The following C2CD2 variants were observed in gnomAD, a reference collection of about 807,000 sequenced individuals.
C2CD2 encodes the protein C2 calcium dependent domain containing 2.
Under a neutral mutation model 74.3 loss-of-function variants are expected in C2CD2, and 43 were observed. The ratio of observed to expected loss-of-function variants is 0.58; its 90% CI spans 0.45 to 0.75. C2CD2 has a LOEUF of 0.75. C2CD2 is among the 30% of genes least tolerant of loss of function. The pLI is 0.00. For missense variants in C2CD2, 801 were observed against 916.3 expected (o/e 0.87, Z 1.63); for synonymous variants, 422 against 390.7 (o/e 1.08, Z -0.94).
intron 13 of C2CD2, among the ~76,000 whole-genome samples, chr21:41,893,863 C>T (rs117525336): frequency 0.046 from 6,964 of 151,964 alleles, 176 homozygotes; most frequent in South Asian, 0.11. Context: ...CACCATGCCT[C>T]GATAATTTTG....
chr21:41,913,756 C>T (rs1244945864), intron 6 of C2CD2, among the ~76,000 whole-genome samples: 3 of 152,152 alleles, frequency 2.0e-5, no homozygotes, highest in East Asian at 3.9e-4. Flanking sequence ...AAAATGGAGT[C>T]GCGCTGTAAA....
chr21:41,917,078 C>T (rs970612461), intron 5 of C2CD2, among the ~76,000 whole-genome samples: 1 of 152,214 alleles, frequency 6.6e-6, no homozygotes, highest in Admixed American at 6.5e-5. Context: ...CAGACATCCA[C>T]ACCCCTCCTG....
chr21:41,939,276 T>C lies in C2CD2; in HGVS notation c.378+2871A>G, dbSNP rs1276322957. Among the ~76,000 whole-genome samples, 1 of 152,208 alleles carries C rather than the reference T, an allele frequency of 6.6e-6. No homozygotes were observed. Among genetic ancestry groups the C allele is most frequent in the African/African-American group, 2.4e-5 (1 of 41,456 alleles). ...ATTGTATTTATTAAAAGGATTACAA[T>C]TGAATTACCTACCGTGTAAGGCCAC... On this transcript the variant is annotated intron_variant, in intron 2 of 13. Transcript: ENST00000380486. The surrounding 1 kb of genome is among the most constrained non-coding windows in gnomAD (Gnocchi z 5.5).
At chr21:41,952,614 G>T (rs752277387) in intron 1 of C2CD2, among the ~76,000 whole-genome samples, 1 of 152,348 alleles carries the variant, frequency 6.6e-6, no homozygotes, top group South Asian at 2.1e-4. Context: ...ATAAGTCAAC[G>T]AGTAATCAGC....
At chr21:41,916,355 T>A (rs1050437913) in intron 5 of C2CD2, among the ~76,000 whole-genome samples, 1 of 152,024 alleles carries the variant, frequency 6.6e-6, no homozygotes, top group Non-Finnish European at 1.5e-5. Context: ...CAGATTTTCC[T>A]CCCTCTCGTG....
chr21:41,906,566 C>T (rs1788354), intron 10 of C2CD2, among the ~76,000 whole-genome samples: 31,547 of 152,006 alleles, frequency 0.21, 5,681 homozygotes, highest in African/African-American at 0.49. Context: ...GGTTTCACCA[C>T]GTTGGTCAGG....
intron 1 of C2CD2, among the ~76,000 whole-genome samples, chr21:41,948,454 C>G (rs991836681): frequency 6.6e-6 from 1 of 152,072 alleles, no homozygotes; most frequent in Admixed American, 6.5e-5. Flanking sequence ...GAGCTGAGAC[C>G]CAAAAGATTT....
At chr21:41,948,379 C>CG (rs896114842) in intron 1 of C2CD2, among the ~76,000 whole-genome samples, 20 of 151,708 alleles carry the variant, frequency 1.3e-4, no homozygotes, top group African/African-American at 3.4e-4. Context: ...TAAGTGACTC[C>CG]GGGGGGGTCG....
chr21:41,905,877 G>T, intron 10 of C2CD2, 40 bp from the exon 11 acceptor site: 1 of 1,099,328 alleles, frequency 9.1e-7, no homozygotes, highest in Non-Finnish European at 1.4e-6. Flanking sequence ...CGGCCCCGTG[G>T]CTGACTGGAT....
At chr21:41,942,038 T>C in intron 2 of C2CD2, 109 bp downstream of exon 2, 1 of 1,404,258 alleles carries the variant, frequency 7.1e-7, no homozygotes, top group Non-Finnish European at 9.5e-7. Context: ...GTTTTGATTT[T>C]TTTCCTAGTG....
At chr21:41,901,116 T>A (rs2064890335) in intron 12 of C2CD2, 3 of 180,708 alleles carry the variant, frequency 1.7e-5, no homozygotes, top group Admixed American at 1.6e-4. Context: ...TGCCACCACC[T>A]GCTCTGAGCG....
At chr21:41,897,323 C>T (rs762367989) in intron 13 of C2CD2, among the ~76,000 whole-genome samples, 3 of 152,180 alleles carry the variant, frequency 2.0e-5, no homozygotes, top group East Asian at 1.9e-4. Flanking sequence ...CAAGAGGAAA[C>T]GGGCCATCCA....
At chr21:41,902,127 C>T (rs748427543) in intron 11 of C2CD2, among the ~76,000 whole-genome samples, 3 of 152,126 alleles carry the variant, frequency 2.0e-5, no homozygotes, top group Admixed American at 6.6e-5. Flanking sequence ...TAAGATTCAC[C>T]GATTTTATTT....
In C2CD2 at chr21:41,918,977, TATTA is replaced by T. The variant is rs1355111279; in HGVS notation, c.493-21_493-18del. 1 of 1,570,642 alleles carries T rather than the reference TATTA, an allele frequency of 6.4e-7. No homozygotes were observed. The highest frequency in any genetic ancestry group is 1.7e-5 in the Admixed American group (1 of 59,956). ...GAACTCCAGCTATTAAAAAACAAGTTATTAGAGGGCCACTCTTTCCACCAAAGCC... is the reference window on the plus strand; with the variant it reads ...GAACTCCAGCTATTAAAAAACAAGTTGAGGGCCACTCTTTCCACCAAAGCC... On this transcript the variant is annotated intron_variant, in intron 3 of 13. Transcript: ENST00000380486.
chr21:41,904,799 C>T lies in C2CD2; in HGVS notation c.1432+925G>A, dbSNP rs897664444. ...GGGCAAGGTCAGACACAGGACTCAG[C>T]GAATGTGGGAGAGCTAAGCAAGAAG... On this transcript the variant is annotated intron_variant, in intron 11 of 13. Transcript: ENST00000380486. Among the ~76,000 whole-genome samples, 4 of 152,166 alleles carry T rather than the reference C, an allele frequency of 2.6e-5. No homozygotes were observed. The South Asian group carries it at 6.2e-4, about 24-fold the overall frequency.
At position 41,928,147 on chromosome 21, in the gene C2CD2, C is replaced by T. The variant is rs369957301; in HGVS notation, c.379-6062G>A. Among the ~76,000 whole-genome samples, 19 of 152,380 alleles carry T rather than the reference C, an allele frequency of 1.2e-4. No individual in the cohort carries two copies. The South Asian group carries it at 2.5e-3, about 20-fold the overall frequency. Reference sequence around the variant, plus strand: ...GAAGAGCAGAAGGGAAGTAGGTCTTCTCCAGGCTGGCAGCTAGTGCTTCCT... The same window carrying T: ...GAAGAGCAGAAGGGAAGTAGGTCTTTTCCAGGCTGGCAGCTAGTGCTTCCT... On this transcript the variant is annotated intron_variant, in intron 2 of 13. Transcript: ENST00000380486.
intron 13 of C2CD2, among the ~76,000 whole-genome samples, chr21:41,896,237 C>T (rs1480959471): frequency 2.0e-5 from 3 of 152,084 alleles, no homozygotes; most frequent in African/African-American, 7.2e-5. Context: ...GTTGGCATAG[C>T]GATCCTCTTA....
chr21:41,939,647 C>T lies in C2CD2; in HGVS notation c.378+2500G>A, dbSNP rs1024059245. ...CCAGGCTGTGCCAGTCTCAGCATCC[C>T]GCACCGCTGCCATGGGCTTCCTCCT... On this transcript the variant is annotated intron_variant, in intron 2 of 13. Coordinates refer to ENST00000380486, the MANE Select transcript of C2CD2 (RefSeq NM_015500.2). This position sits in a 1 kb window ranked among gnomAD's most constrained non-coding sequence, Gnocchi z 5.5. Among the ~76,000 whole-genome samples, 11 of 152,220 alleles carry T rather than the reference C, an allele frequency of 7.2e-5. No individual in the cohort carries two copies. Among genetic ancestry groups the T allele is most frequent in the Non-Finnish European group, 1.5e-4 (10 of 68,040 alleles).
At chr21:41,891,508 G>A (rs924218251) in intron 13 of C2CD2, among the ~76,000 whole-genome samples, 4 of 152,248 alleles carry the variant, frequency 2.6e-5, no homozygotes, top group Non-Finnish European at 5.9e-5. Flanking sequence ...TGGGCATGGT[G>A]ATAGGGGCTC....
Sources: allele counts gnomAD v4.1 joint callset (sites outside exome capture counted in the v4.1 genomes callset), GRCh38; gene constraint gnomAD v4.1.1; non-coding constraint Gnocchi (gnomAD v3.1); transcripts MANE v1.5; gene names NCBI Gene and HGNC (gene_info 2026-07-23, HGNC 2026-07-21).